Variants in ZNRF3 observed in about 807,000 individuals in gnomAD.
The protein encoded by ZNRF3 is E3 ubiquitin-protein ligase ZNRF3.
In ZNRF3, 23 loss-of-function variants were observed where a neutral mutation model predicts 72.5. That is an observed-to-expected ratio of 0.32 (90% confidence interval 0.23 to 0.45). ZNRF3 has a LOEUF of 0.45. Ranked by LOEUF, ZNRF3 falls within the 20% of genes least tolerant of loss-of-function variation. ZNRF3 has a pLI of 1.00. For missense variants in ZNRF3, 1,169 were observed against 1,272.1 expected, an observed-to-expected ratio of 0.92 and a Z score of 1.23; for synonymous variants, 610 against 545.3, an observed-to-expected ratio of 1.12 and a Z score of -1.65.
chr22:28,946,060 C>T (rs894770519), intron 1 of ZNRF3, among the ~76,000 whole-genome samples: 1 of 152,146 alleles, frequency 6.6e-6, no homozygotes, highest in African/African-American at 2.4e-5. Context: ...AGGCAATGCT[C>T]ATTGGAGCAT....
At chr22:28,999,163 CA>C (rs10601140) in intron 2 of ZNRF3, among the ~76,000 whole-genome samples, 6,683 of 63,414 alleles carry the variant, frequency 0.11, 247 homozygotes, top group African/African-American at 0.16. Context: ...AATAAAAATA[CA>C]AAAAAAAAAA....
At chr22:29,043,000 C>A (rs533777903) in intron 3 of ZNRF3, among the ~76,000 whole-genome samples, 13 of 152,140 alleles carry the variant, frequency 8.5e-5, no homozygotes, top group African/African-American at 3.1e-4. Flanking sequence ...GTCTTGAACT[C>A]TTGACCTTGT....
intron 2 of ZNRF3, among the ~76,000 whole-genome samples, chr22:28,991,303 AAAAAAAAAG>A (rs2035949800): frequency 2.7e-5 from 4 of 147,592 alleles, no homozygotes; most frequent in African/African-American, 1.1e-4. Context: ...AAAAAAAAAA[AAAAAAAAAG>A]AAGAACAGTA....
At chr22:29,004,640 A>G (rs2036208225) in intron 2 of ZNRF3, among the ~76,000 whole-genome samples, 1 of 152,114 alleles carries the variant, frequency 6.6e-6, no homozygotes, top group Non-Finnish European at 1.5e-5. Context: ...ACAGAAAGGC[A>G]GACATCAGAG....
chr22:28,918,531 TGTGTGC>T (rs752176107), intron 1 of ZNRF3, among the ~76,000 whole-genome samples: 4 of 25,294 alleles, frequency 1.6e-4, no homozygotes, highest in East Asian at 6.8e-4. Flanking sequence ...TGTATCTGCA[TGTGTGC>T]GTGTGTGTGT....
intron 1 of ZNRF3, among the ~76,000 whole-genome samples, chr22:28,941,225 G>A (rs1024253105): frequency 6.6e-6 from 1 of 152,156 alleles, no homozygotes; most frequent in Non-Finnish European, 1.5e-5. Context: ...GTGCCTGGGT[G>A]CACCTGCTTG....
chr22:29,005,180 G>T (rs2036219299), intron 2 of ZNRF3, among the ~76,000 whole-genome samples: 1 of 152,228 alleles, frequency 6.6e-6, no homozygotes, highest in Non-Finnish European at 1.5e-5. Context: ...GCTGCTGCCT[G>T]CCCCAGCCAG....
chr22:28,933,750 T>TCC, intron 1 of ZNRF3, among the ~76,000 whole-genome samples: 1 of 6,700 alleles, frequency 1.5e-4, no homozygotes, highest in East Asian at 0.023. Flanking sequence ...ACACACACAC[T>TCC]CACTCTCTCT....
chr22:29,032,953 T>A (rs1191980716), intron 2 of ZNRF3, among the ~76,000 whole-genome samples: 1 of 152,156 alleles, frequency 6.6e-6, no homozygotes, highest in East Asian at 1.9e-4. Context: ...AAGCAGTAAA[T>A]GAACCCTGTG....
chr22:28,942,353 A>G (rs2034963280), intron 1 of ZNRF3, among the ~76,000 whole-genome samples: 1 of 152,204 alleles, frequency 6.6e-6, no homozygotes, highest in Admixed American at 6.5e-5. Flanking sequence ...TTTTTGGACA[A>G]GAAAAAAGAC....
chr22:28,886,544 G>T (rs1372331910), intron 1 of ZNRF3, among the ~76,000 whole-genome samples: 2 of 152,188 alleles, frequency 1.3e-5, no homozygotes, highest in Non-Finnish European at 2.9e-5. Flanking sequence ...CAGTCTTCAA[G>T]AATAGTTTGA....
chr22:28,898,287 G>C (rs760374469), intron 1 of ZNRF3, among the ~76,000 whole-genome samples: 1 of 152,130 alleles, frequency 6.6e-6, no homozygotes, highest in East Asian at 1.9e-4. Context: ...TGTGATTGTC[G>C]CAACTATTTG....
intron 1 of ZNRF3, among the ~76,000 whole-genome samples, chr22:28,919,064 C>T (rs1352414431): frequency 6.6e-6 from 1 of 152,200 alleles, no homozygotes; most frequent in East Asian, 1.9e-4. Context: ...TGAATGTCTT[C>T]TTAATCCTTG....
intron 1 of ZNRF3, among the ~76,000 whole-genome samples, chr22:28,915,283 G>A (rs739196): frequency 0.13 from 20,483 of 152,076 alleles, 1,967 homozygotes; most frequent in East Asian, 0.43. Flanking sequence ...ATGTTTTCAC[G>A]TGGCCTTCCA....
At chr22:28,890,647 A>G (rs894630004) in intron 1 of ZNRF3, among the ~76,000 whole-genome samples, 9 of 152,242 alleles carry the variant, frequency 5.9e-5, no homozygotes, top group Non-Finnish European at 1.3e-4. Context: ...GAAGGAAAGA[A>G]TCTTGAATTT....
Position 29,049,477 on chromosome 22 carries a change from C to T in ZNRF3, c.1296C>T (p.Arg432=). 1.2e-6 allele frequency: 2 copies of T among 1,605,016 alleles called. No homozygotes were observed. Among genetic ancestry groups the T allele is most frequent in the Non-Finnish European group, 1.7e-6 (2 of 1,179,736 alleles). ...TGGACCACAGCCTGGCCGCTCACCGCTGCGGCCTGGAGCACCGGGCCTACT... is the reference window on the plus strand; with the variant it reads ...TGGACCACAGCCTGGCCGCTCACCGTTGCGGCCTGGAGCACCGGGCCTACT... The part of the protein sequence containing the change: ...LHLDHSLAAH[R]CGLEHRAYSP... Residue 432 remains arginine, a synonymous_variant, in exon 8 of 9, where the codon CGC becomes CGT. Transcript: ENST00000544604. This position sits in a 1 kb window ranked among gnomAD's most constrained non-coding sequence, Gnocchi z 5.2.
chr22:28,939,962 A>T (rs2034912152), intron 1 of ZNRF3, among the ~76,000 whole-genome samples: 1 of 152,236 alleles, frequency 6.6e-6, no homozygotes, highest in Non-Finnish European at 1.5e-5. Context: ...ATCTTGATAT[A>T]TGAGTAGTCC....
intron 8 of ZNRF3, among the ~76,000 whole-genome samples, chr22:29,052,551 G>A (rs2037224975): frequency 6.6e-6 from 1 of 152,104 alleles, no homozygotes; most frequent in African/African-American, 2.4e-5. Flanking sequence ...AAATTAGCCG[G>A]GCGTGGTGGC....
At chr22:28,934,147 T>A (rs1265065798) in intron 1 of ZNRF3, among the ~76,000 whole-genome samples, 1 of 152,168 alleles carries the variant, frequency 6.6e-6, no homozygotes, top group Non-Finnish European at 1.5e-5. Flanking sequence ...GACTCTTGAG[T>A]GGCTCCTCTG....
Sources: gnomAD v4.1 joint callset for allele counts (sites outside exome capture counted in the v4.1 genomes callset) on GRCh38, gnomAD v4.1.1 for gene constraint, Gnocchi (gnomAD v3.1) non-coding constraint, MANE v1.5 for transcripts, NCBI Gene and HGNC (gene_info 2026-07-23, HGNC 2026-07-21) for gene names.